The following PARD3B variants were observed in gnomAD, a reference collection of about 807,000 sequenced individuals.
PARD3B encodes par-3 family cell polarity regulator beta.
A neutral mutation model predicts 130.2 loss-of-function variants in PARD3B; 103 were observed. The ratio of observed to expected loss-of-function variants is 0.79; its 90% CI spans 0.67 to 0.93. PARD3B has a LOEUF of 0.93. Among genes scored for constraint, PARD3B ranks in the 40% least tolerant of loss-of-function variants. The pLI, the probability that PARD3B is intolerant of heterozygous loss-of-function variation, is 0.00. For synonymous variants in PARD3B, 583 were observed against 553.2 expected, an observed-to-expected ratio of 1.05 and a Z score of -0.76; for missense variants, 1,609 against 1,499.2, an observed-to-expected ratio of 1.07 and a Z score of -1.21.
chr2:204,590,353 G>C (rs1476169968), intron 1 of PARD3B, among the ~76,000 whole-genome samples: 4 of 152,170 alleles, frequency 2.6e-5, no homozygotes, highest in Non-Finnish European at 1.5e-5. Flanking sequence ...TTCAACATAT[G>C]AATTCTGGGG....
At chr2:205,113,393 G>GGGGT (rs573841229) in intron 5 of PARD3B, 98 bp from the exon 6 acceptor site, 26 of 571,590 alleles carry the variant, frequency 4.5e-5, no homozygotes, top group East Asian at 1.5e-4. Flanking sequence ...CCTGAGCAGG[G>GGGGT]GTGTGTGTGT....
chr2:205,063,203 C>T (rs1700160956), intron 4 of PARD3B, among the ~76,000 whole-genome samples: 1 of 151,950 alleles, frequency 6.6e-6, no homozygotes, highest in Admixed American at 6.6e-5. Flanking sequence ...ACATCATAAT[C>T]CTTGTAGCTA....
rs114057671 is a variant in PARD3B, at chr2:204,677,660, G to A, written c.121-8521G>A. Among the ~76,000 whole-genome samples the A allele has an allele frequency of 0.018, 2,719 of 152,296 alleles. 41 individuals carry two copies. Among genetic ancestry groups the A allele is most frequent in the Middle Eastern group, 0.071 (21 of 294 alleles). The stretch of plus-strand genomic sequence containing the variant: ...CGATTCCTTGTTCTGTTCTCACACA[G>A]TCCTTGTATTATCATAGCCTAAGAT... On this transcript the variant is annotated intron_variant, in intron 1 of 22. Coordinates refer to ENST00000406610, the MANE Select transcript of PARD3B (RefSeq NM_001302769.2). This position sits in a 1 kb window ranked among gnomAD's most constrained non-coding sequence, Gnocchi z 4.1.
chr2:205,443,026 T>C (rs540903663), intron 20 of PARD3B, among the ~76,000 whole-genome samples: 2 of 152,308 alleles, frequency 1.3e-5, no homozygotes, highest in African/African-American at 4.8e-5. Flanking sequence ...CCTGCTCTTA[T>C]CTTTAATTAT....
At chr2:205,497,290 C>T (rs927861491) in intron 20 of PARD3B, among the ~76,000 whole-genome samples, 4 of 151,658 alleles carry the variant, frequency 2.6e-5, no homozygotes, top group Admixed American at 6.6e-5. Flanking sequence ...GAGTGTCTGT[C>T]GAGCACCCAG....
chr2:205,429,741 T>C (rs941333373), intron 19 of PARD3B, among the ~76,000 whole-genome samples: 2 of 152,226 alleles, frequency 1.3e-5, no homozygotes, highest in African/African-American at 2.4e-5. Context: ...AGGGCCGCCA[T>C]TTAACAGATT....
intron 3 of PARD3B, among the ~76,000 whole-genome samples, chr2:205,022,458 T>C (rs959886787): frequency 6.6e-6 from 1 of 152,226 alleles, no homozygotes; most frequent in Admixed American, 6.5e-5. Context: ...ATTTTTCTCA[T>C]AAAATATGCA....
chr2:205,491,606 C>T lies in PARD3B; in HGVS notation c.3045-8290C>T, dbSNP rs148218773. On this transcript the variant is annotated intron_variant, in intron 20 of 22. Coordinates refer to ENST00000406610, the MANE Select transcript of PARD3B (RefSeq NM_001302769.2). ...GGCAATGCGGGCTCTTTTTTGGTTC[C>T]GGCCTTTGTTTCTTTATGCTCCACC... Among the ~76,000 whole-genome samples, 1,073 of 152,164 alleles carry T rather than the reference C, an allele frequency of 7.1e-3. 3 individuals carry two copies. The highest frequency in any genetic ancestry group is 0.011 in the Non-Finnish European group (775 of 68,002).
At chr2:205,140,154 G>A (rs1018109478) in intron 10 of PARD3B, among the ~76,000 whole-genome samples, 3 of 152,200 alleles carry the variant, frequency 2.0e-5, no homozygotes, top group Non-Finnish European at 4.4e-5. Context: ...AAGGCCACCG[G>A]GCAGGTAGTG....
At chr2:204,969,867 C>G (rs1575444872) in intron 3 of PARD3B, among the ~76,000 whole-genome samples, 2 of 151,970 alleles carry the variant, frequency 1.3e-5, no homozygotes, top group East Asian at 3.9e-4. Flanking sequence ...CTTTTAAATC[C>G]TATACATTTC....
intron 21 of PARD3B, 96 bp from the exon 22 acceptor site, chr2:205,553,228 T>C: frequency 8.8e-7 from 1 of 1,142,846 alleles, no homozygotes. Context: ...TGGCAGGCAG[T>C]AACAGCATTT....
chr2:205,047,497 C>A (rs1698881062), intron 3 of PARD3B, 84 bp from the exon 4 acceptor site: 1 of 735,016 alleles, frequency 1.4e-6, no homozygotes, highest in African/African-American at 1.8e-5. Flanking sequence ...CTGTTGTAAA[C>A]CTTTTAAATT....
At chr2:205,535,437 T>C (rs1282676028) in intron 21 of PARD3B, among the ~76,000 whole-genome samples, 1 of 152,236 alleles carries the variant, frequency 6.6e-6, no homozygotes, top group East Asian at 1.9e-4. Flanking sequence ...TTTGCAACTC[T>C]GTTATGGGAT....
Position 205,575,113 on chromosome 2 carries a change from A to ACACACACG in PARD3B, c.3260+21711_3260+21712insACACACGC, listed in dbSNP as rs141496657. Among the ~76,000 whole-genome samples, 3,530 of 126,332 alleles carry ACACACACG rather than the reference A, an allele frequency of 0.028. 59 individuals are homozygous for ACACACACG. Among genetic ancestry groups the ACACACACG allele is most frequent in the Middle Eastern group, 0.053 (13 of 244 alleles). The allele number at this position is 126,332 out of a possible 152,430, so 82.9% of individuals were successfully genotyped here. On this transcript the variant is annotated intron_variant, in intron 22 of 22. Coordinates refer to ENST00000406610, the MANE Select transcript of PARD3B (RefSeq NM_001302769.2). This position sits in a 1 kb window ranked among gnomAD's most constrained non-coding sequence, Gnocchi z 4.6. ...CACACACACACACACACACACACAC[A>ACACACACG]CGCGTACACTATATATAAAAATATA...
At chr2:204,613,259 A>G (rs1320599934) in intron 1 of PARD3B, among the ~76,000 whole-genome samples, 1 of 152,180 alleles carries the variant, frequency 6.6e-6, no homozygotes, top group African/African-American at 2.4e-5. Flanking sequence ...ATTCTCTTTC[A>G]GAATTTTGAA....
At chr2:204,782,738 CTA>C (rs1259988456) in intron 2 of PARD3B, among the ~76,000 whole-genome samples, 1 of 151,870 alleles carries the variant, frequency 6.6e-6, no homozygotes, top group Non-Finnish European at 1.5e-5. Context: ...TATATTTTCA[CTA>C]TATCTTTTTC....
chr2:204,921,761 G>C (rs2047688524), intron 2 of PARD3B, among the ~76,000 whole-genome samples: 1 of 152,106 alleles, frequency 6.6e-6, no homozygotes, highest in Non-Finnish European at 1.5e-5. Context: ...AAAGTTTCAT[G>C]GTAGTGTGGA....
chr2:205,550,955 G>GTGTA lies in PARD3B; in HGVS notation c.3181-2368_3181-2367insGTAT, dbSNP rs796567936. Among the ~76,000 whole-genome samples the GTGTA allele has an allele frequency of 0.015, 1,393 of 94,306 alleles. 19 individuals are homozygous for GTGTA. Among genetic ancestry groups the GTGTA allele is most frequent in the Middle Eastern group, 0.033 (5 of 152 alleles). 61.9% of individuals were successfully genotyped at this position (94,306 alleles called of 152,430 possible). Reference sequence around the variant, plus strand: ...TGTGTGTGTGTGTATATATATATGTGTATATATATATATATATATATACAC... The same window carrying GTGTA: ...TGTGTGTGTGTGTATATATATATGTGTGTATATATATATATATATATATATACAC... On this transcript the variant is annotated intron_variant, in intron 21 of 22. Coordinates refer to ENST00000406610, the MANE Select transcript of PARD3B (RefSeq NM_001302769.2). This position sits in a 1 kb window ranked among gnomAD's most constrained non-coding sequence, Gnocchi z 4.5.
In PARD3B at chr2:205,241,145, T is replaced by C. The variant is rs1288450180; in HGVS notation, c.2141-4633T>C. 3.3e-5 allele frequency among the ~76,000 whole-genome samples: 5 copies of C among 152,190 alleles called. No individual in the cohort carries two copies. The highest frequency in any genetic ancestry group is 2.6e-4 in the Admixed American group (4 of 15,272). ...CTTACAACCATGAGAATTAGAAACA[T>C]AGGCCATCAGGCTGCTGTTTCTCAA... On this transcript the variant is annotated intron_variant, in intron 15 of 22. Coordinates refer to ENST00000406610, the MANE Select transcript of PARD3B (RefSeq NM_001302769.2). This position sits in a 1 kb window ranked among gnomAD's most constrained non-coding sequence, Gnocchi z 4.2.
Sources: allele counts gnomAD v4.1 joint callset (sites outside exome capture counted in the v4.1 genomes callset), GRCh38; gene constraint gnomAD v4.1.1; non-coding constraint Gnocchi (gnomAD v3.1); transcripts MANE v1.5; gene names NCBI Gene and HGNC (gene_info 2026-07-23, HGNC 2026-07-21).